EPB41L1: variants seen among roughly 807,000 people sequenced by gnomAD.
EPB41L1 encodes band 4.1-like protein 1.
Under a neutral mutation model 97.8 loss-of-function variants are expected in EPB41L1, and 29 were observed. That is an observed-to-expected ratio of 0.30 (90% confidence interval 0.22 to 0.40). EPB41L1 has a LOEUF of 0.40. Ranked by LOEUF, EPB41L1 falls within the 10% of genes least tolerant of loss-of-function variation. The probability of loss-of-function intolerance (pLI) is 1.00; values close to 1 mark genes in which losing one functional copy is unlikely to be tolerated. For missense variants in EPB41L1, 812 were observed against 1,162.3 expected (o/e 0.70, Z 4.38); for synonymous variants, 383 against 459.2 (o/e 0.83, Z 2.12).
rs1032803190 is a variant in EPB41L1, at chr20:36,132,140, C to T, written c.-10+19660C>T. ...CTCCCTAGGTGACTGTGTCAGTTTC[C>T]TAATGCTGCCCTAACAAATGACCAT... On this transcript the variant is annotated intron_variant, in intron 2 of 19. Transcript: ENST00000202028. 4.6e-5 allele frequency among the ~76,000 whole-genome samples: 7 copies of T among 152,232 alleles called. No individual in the cohort carries two copies. In the East Asian group the frequency reaches 1.4e-3, roughly 29 times the overall value.
At chr20:36,223,564 G>C (rs2063915879) in intron 21 of EPB41L1, among the ~76,000 whole-genome samples, 1 of 152,144 alleles carries the variant, frequency 6.6e-6, no homozygotes, top group African/African-American at 2.4e-5. Flanking sequence ...CATTGAGTTG[G>C]ATAAAATAAG....
At position 36,187,683 on chromosome 20, in the gene EPB41L1, A is replaced by G; in HGVS notation, c.793A>G (p.Thr265Ala). ...MELHKTYRGM[T>A]PGEAEIHFLE... is the part of the protein sequence containing the mutation. ...TCACTTTCTTTCCCTCAGGGGGATG[A>G]CCCCGGGAGAAGCAGAAATCCACTT... The change falls in exon 8 of 22, where the codon ACC becomes GCC. Residue 265 changes from threonine (T) to alanine (A), a missense_variant. Around this residue, in one of 3 missense-constraint regions of EPB41L1, gnomAD observed 230 missense variants for 445.2 expected, o/e 0.52. Transcript: ENST00000338074. 6.2e-7 allele frequency: 1 copy of G among 1,613,858 alleles called. No individual in the cohort carries two copies. Among genetic ancestry groups the G allele is most frequent in the East Asian group, 2.2e-5 (1 of 44,874 alleles).
intron 5 of EPB41L1, among the ~76,000 whole-genome samples, chr20:36,181,845 G>A (rs1397162288): frequency 6.6e-6 from 1 of 152,158 alleles, no homozygotes; most frequent in Non-Finnish European, 1.5e-5. Context: ...AGACCAAGGA[G>A]CCAGGTGGCC....
chr20:36,206,006 A>C lies in EPB41L1; in HGVS notation c.1669-3482A>C. Reference sequence around the variant, plus strand: ...TCCAAGGTAGACGTTCTGGTGGACAAGTTCAAAGTGGAAGTGGCCACAGAA... The same window carrying C: ...TCCAAGGTAGACGTTCTGGTGGACACGTTCAAAGTGGAAGTGGCCACAGAA... On this transcript the variant is annotated intron_variant, in intron 14 of 21. Transcript: ENST00000338074. This position sits in a 1 kb window ranked among gnomAD's most constrained non-coding sequence, Gnocchi z 5.5. The C allele has an allele frequency of 7.8e-7, 1 of 1,289,894 alleles. No individual in the cohort carries two copies. Among genetic ancestry groups the C allele is most frequent in the Non-Finnish European group, 1.0e-6 (1 of 988,892 alleles). 79.9% of individuals were successfully genotyped at this position (1,289,894 alleles called of 1,614,324 possible).
intron 1 of EPB41L1, among the ~76,000 whole-genome samples, chr20:36,100,195 A>T (rs915756943): frequency 1.3e-5 from 2 of 152,166 alleles, no homozygotes; most frequent in African/African-American, 2.4e-5. Context: ...CTGTCCTGGT[A>T]GTTTCTGGCA....
At chr20:36,169,857 C>T (rs781081342) in intron 1 of EPB41L1, among the ~76,000 whole-genome samples, 1 of 152,248 alleles carries the variant, frequency 6.6e-6, no homozygotes, top group African/African-American at 2.4e-5. Context: ...TAAATCATCT[C>T]CTGCATGAGT....
chr20:36,143,595 T>C (rs538282181), intron 2 of EPB41L1, among the ~76,000 whole-genome samples: 1 of 152,296 alleles, frequency 6.6e-6, no homozygotes, highest in East Asian at 1.9e-4. Flanking sequence ...TTAGAGATCA[T>C]CTAGCCCAAG....
chr20:36,095,679 ATACTC>A (rs1182743692), intron 1 of EPB41L1, among the ~76,000 whole-genome samples: 1 of 152,134 alleles, frequency 6.6e-6, no homozygotes, highest in Non-Finnish European at 1.5e-5. Context: ...CCCCACCAAT[ATACTC>A]TAGTCTAGAG....
At chr20:36,204,329 G>A (rs1233334910) in intron 14 of EPB41L1, among the ~76,000 whole-genome samples, 1 of 151,982 alleles carries the variant, frequency 6.6e-6, no homozygotes, top group Non-Finnish European at 1.5e-5. Context: ...AGTATCCTGT[G>A]GCCACAAGAT....
chr20:36,207,464 T>A lies in EPB41L1; in HGVS notation c.1669-2024T>A. ...TCAGTGGCCAACAAAATTCGGATATTTGAGACCCACGGAGCTGAAACTCGC... is the reference window on the plus strand; with the variant it reads ...TCAGTGGCCAACAAAATTCGGATATATGAGACCCACGGAGCTGAAACTCGC... On this transcript the variant is annotated intron_variant, in intron 14 of 21. Coordinates refer to ENST00000338074, the MANE Select transcript of EPB41L1 (RefSeq NM_012156.2). This position sits in a 1 kb window ranked among gnomAD's most constrained non-coding sequence, Gnocchi z 4.9. The A allele has an allele frequency of 7.8e-7, 1 of 1,289,746 alleles. No homozygotes were observed. Among genetic ancestry groups the A allele is most frequent in the African/African-American group, 1.5e-5 (1 of 65,960 alleles). The allele number at this position is 1,289,746 out of a possible 1,614,324, so 79.9% of individuals were successfully genotyped here. A position where few individuals can be genotyped will look rare whatever the true frequency, so the allele number is the denominator to read the frequency against.
chr20:36,169,801 C>T (rs2060906450), intron 1 of EPB41L1, among the ~76,000 whole-genome samples: 1 of 152,230 alleles, frequency 6.6e-6, no homozygotes, highest in Admixed American at 6.5e-5. Context: ...TCCAGATCAC[C>T]AGGTCCCCAG....
intron 4 of EPB41L1, among the ~76,000 whole-genome samples, 178 bp downstream of exon 4, chr20:36,178,234 A>G (rs2061330654): frequency 6.6e-6 from 1 of 152,204 alleles, no homozygotes; most frequent in Admixed American, 6.5e-5. Context: ...TCTTGGTGAC[A>G]TACAGGTCAC....
At chr20:36,122,854 C>G (rs1379773148) in intron 2 of EPB41L1, 2 of 152,126 alleles carry the variant, frequency 1.3e-5, no homozygotes, top group African/African-American at 4.8e-5. Flanking sequence ...TTGTATGATT[C>G]TAGTTGGGGT....
intron 14 of EPB41L1, among the ~76,000 whole-genome samples, chr20:36,199,410 C>G (rs1016773062): frequency 6.6e-6 from 1 of 152,238 alleles, no homozygotes; most frequent in African/African-American, 2.4e-5. Context: ...GTGCTGCCCT[C>G]TAATGCTTTG....
Position 36,206,602 on chromosome 20 carries a change from G to T in EPB41L1, c.1669-2886G>T, listed in dbSNP as rs1292621421. The T allele has an allele frequency of 1.6e-6, 2 of 1,289,716 alleles. No homozygotes were observed. Among genetic ancestry groups the T allele is most frequent in the Non-Finnish European group, 1.0e-6 (1 of 988,886 alleles). The allele number at this position is 1,289,716 out of a possible 1,614,324, so 79.9% of individuals were successfully genotyped here. A position where few individuals can be genotyped will look rare whatever the true frequency, so the allele number is the denominator to read the frequency against. The stretch of plus-strand genomic sequence containing the variant: ...GACGCTGAATTCCTTAGACCTGAGG[G>T]TTTCTGCTGCTGCTTCCAGCAGGAG... On this transcript the variant is annotated intron_variant, in intron 14 of 21. Transcript: ENST00000338074. The surrounding 1 kb of genome is among the most constrained non-coding windows in gnomAD (Gnocchi z 5.5).
At chr20:36,185,509 A>T (rs2061647334) in intron 7 of EPB41L1, among the ~76,000 whole-genome samples, 174 bp downstream of exon 7, 1 of 152,130 alleles carries the variant, frequency 6.6e-6, no homozygotes. Flanking sequence ...AACGATAGTG[A>T]CTGGCTGTGT....
intron 1 of EPB41L1, among the ~76,000 whole-genome samples, chr20:36,111,014 C>T (rs1406027267): frequency 6.6e-6 from 1 of 152,202 alleles, no homozygotes; most frequent in Non-Finnish European, 1.5e-5. Context: ...TTCTAGGTCT[C>T]AGTTTCCCCA....
At chr20:36,167,672 C>T (rs2060794565) in intron 1 of EPB41L1, among the ~76,000 whole-genome samples, 2 of 151,844 alleles carry the variant, frequency 1.3e-5, no homozygotes, top group South Asian at 4.2e-4. Context: ...CATGCCACTG[C>T]ACTCCAGCCT....
Position 36,212,745 on chromosome 20 carries a change from CAG to C in EPB41L1, c.2184+370_2184+371del, listed in dbSNP as rs900063048. Among the ~76,000 whole-genome samples, 4 of 152,204 alleles carry C rather than the reference CAG, an allele frequency of 2.6e-5. No individual in the cohort carries two copies. The highest frequency in any genetic ancestry group is 4.4e-5 in the Non-Finnish European group (3 of 68,038). ...GTTGGAGAGGTTTCTTGAGGTATCTCAGGGGCTGCTTGAGGAGAGAAGAGGGA... is the reference window on the plus strand; with the variant it reads ...GTTGGAGAGGTTTCTTGAGGTATCTCGGGCTGCTTGAGGAGAGAAGAGGGA... On this transcript the variant is annotated intron_variant, in intron 16 of 21. Coordinates refer to ENST00000338074, the MANE Select transcript of EPB41L1 (RefSeq NM_012156.2). This position sits in a 1 kb window ranked among gnomAD's most constrained non-coding sequence, Gnocchi z 4.8.
Sources: gnomAD v4.1 joint callset for allele counts (sites outside exome capture counted in the v4.1 genomes callset) on GRCh38, gnomAD v4.1.1 for gene constraint, gnomAD v4.1.1 regional missense constraint, Gnocchi (gnomAD v3.1) non-coding constraint, MANE v1.5 for transcripts, NCBI Gene and HGNC (gene_info 2026-07-23, HGNC 2026-07-21) for gene names.